The following PGM1 variants were observed in gnomAD, a reference collection of about 807,000 sequenced individuals.
PGM1 encodes phosphoglucomutase-1.
Under a neutral mutation model 55.6 loss-of-function variants are expected in PGM1, and 52 were observed. The ratio of observed to expected loss-of-function variants is 0.94; its 90% CI spans 0.75 to 1.18. PGM1 has a LOEUF of 1.18. PGM1 is among the 50% of genes most tolerant of loss of function. PGM1 has a pLI of 0.00. For synonymous variants in PGM1, 287 were observed against 271.7 expected (o/e 1.06, Z -0.55); for missense variants, 724 against 729.3 (o/e 0.99, Z 0.08).
At chr1:63,642,199 C>G (rs1281645494) in intron 7 of PGM1, among the ~76,000 whole-genome samples, 1 of 152,208 alleles carries the variant, frequency 6.6e-6, no homozygotes, top group Non-Finnish European at 1.5e-5. Context: ...CAGGACTGGT[C>G]CACCGAGTAA....
intron 1 of PGM1, among the ~76,000 whole-genome samples, chr1:63,624,103 G>T (rs147433829): frequency 6.6e-6 from 1 of 152,164 alleles, no homozygotes; most frequent in African/African-American, 2.4e-5. Context: ...CCTGTCCTGT[G>T]TAAGAGGGCT....
At chr1:63,656,698 G>A (rs967072494) in intron 10 of PGM1, among the ~76,000 whole-genome samples, 1 of 151,940 alleles carries the variant, frequency 6.6e-6, no homozygotes, top group Admixed American at 6.6e-5. Context: ...TGAACCTGGA[G>A]GACATTATGC....
At chr1:63,605,571 T>C (rs1570473713) in intron 1 of PGM1, among the ~76,000 whole-genome samples, 1 of 151,980 alleles carries the variant, frequency 6.6e-6, no homozygotes, top group African/African-American at 2.4e-5. Flanking sequence ...TTTTATTTAT[T>C]ATTATTTATT....
At chr1:63,624,917 T>C (rs1299495732) in intron 1 of PGM1, among the ~76,000 whole-genome samples, 1 of 152,226 alleles carries the variant, frequency 6.6e-6, no homozygotes, top group Non-Finnish European at 1.5e-5. Context: ...ATGCCTCTCA[T>C]GTAAAAGTTG....
rs182178773 is a variant in PGM1 at position 63,645,915 on chromosome 1, C to G, written c.1145-2602C>G. Among the ~76,000 whole-genome samples the G allele has an allele frequency of 2.8e-4, 42 of 152,118 alleles. 1 individual carries two copies. In the East Asian group the frequency reaches 7.2e-3, roughly 26 times the overall value. The stretch of plus-strand genomic sequence containing the variant: ...AATTACAAGGATAAATAAGAGATGC[C>G]CGTAAGAAGCACACAGTTAGTGGGG... On this transcript the variant is annotated intron_variant, in intron 7 of 10. Transcript: ENST00000371084.
chr1:63,629,669 T>C, intron 2 of PGM1, 82 bp downstream of exon 2: 1 of 1,403,700 alleles, frequency 7.1e-7, no homozygotes, highest in South Asian at 1.2e-5. Context: ...GAGACCAGGG[T>C]TTTGGTTCTG....
At chr1:63,606,623 C>T (rs72681107) in intron 1 of PGM1, among the ~76,000 whole-genome samples, 2,764 of 152,298 alleles carry the variant, frequency 0.018, 44 homozygotes, top group Middle Eastern at 0.041. Context: ...TTAATCAAAA[C>T]TTAGCTAAGC....
Position 63,647,926 on chromosome 1 carries a change from A to AT in PGM1, c.1145-586dup, listed in dbSNP as rs1293076735. Among the ~76,000 whole-genome samples, 6 of 152,322 alleles carry AT rather than the reference A, an allele frequency of 3.9e-5. No individual in the cohort carries two copies. The East Asian group carries it at 1.2e-3, about 29-fold the overall frequency. ...AATTCCACCTAATTATCTCACTGAC[A>AT]TTTTTATTGACTTATGCCTTACATT... On this transcript the variant is annotated intron_variant, in intron 7 of 10. Coordinates refer to ENST00000371084, the MANE Select transcript of PGM1 (RefSeq NM_002633.3).
intron 6 of PGM1, among the ~76,000 whole-genome samples, chr1:63,637,429 T>C (rs1649393003): frequency 6.6e-6 from 1 of 152,208 alleles, no homozygotes; most frequent in Admixed American, 6.5e-5. Flanking sequence ...AGAGGGGAGA[T>C]GGTTATAGAA....
At chr1:63,597,891 GT>G (rs575708289) in intron 1 of PGM1, among the ~76,000 whole-genome samples, 283 of 152,274 alleles carry the variant, frequency 1.9e-3, no homozygotes, top group Non-Finnish European at 3.3e-3. Flanking sequence ...TGTTGTTGTT[GT>G]TGTCAAGTTA....
intron 1 of PGM1, among the ~76,000 whole-genome samples, chr1:63,595,488 A>G (rs541974947): frequency 6.6e-6 from 1 of 152,316 alleles, no homozygotes; most frequent in African/African-American, 2.4e-5. Flanking sequence ...TGGGCCAAAC[A>G]TTTATAAGCA....
intron 9 of PGM1, 81 bp downstream of exon 9, chr1:63,651,933 C>A (rs1439381115): frequency 2.3e-6 from 3 of 1,326,292 alleles, no homozygotes; most frequent in Non-Finnish European, 3.2e-6. Context: ...TTAAAAAGTT[C>A]CTGTTGGCTA....
At chr1:63,643,115 A>G (rs1649560238) in intron 7 of PGM1, among the ~76,000 whole-genome samples, 1 of 152,200 alleles carries the variant, frequency 6.6e-6, no homozygotes, top group Admixed American at 6.5e-5. Context: ...ATAGCTACTG[A>G]GTACATTTCC....
rs1033122643 is a variant in PGM1, at chr1:63,656,833, G to A, written c.1599+2367G>A. On this transcript the variant is annotated intron_variant, in intron 10 of 10. Transcript: ENST00000371084. The stretch of plus-strand genomic sequence containing the variant: ...GGCTTACTAGGGGGTAGTGAATGGG[G>A]AAAATGGAGAGATATTGGTCCAAAG... Among the ~76,000 whole-genome samples the A allele has an allele frequency of 1.1e-4, 16 of 152,220 alleles. 1 individual carries two copies. Among genetic ancestry groups the A allele is most frequent in the African/African-American group, 3.4e-4 (14 of 41,556 alleles).
intron 8 of PGM1, 123 bp from the exon 9 acceptor site, chr1:63,651,541 TGCCAG>T: frequency 7.4e-6 from 6 of 809,598 alleles, no homozygotes; most frequent in Admixed American, 6.4e-5. Flanking sequence ...GTATTTTTTT[TGCCAG>T]CTTCTTCTGA....
intron 1 of PGM1, among the ~76,000 whole-genome samples, chr1:63,612,767 A>G (rs1218723194): frequency 6.6e-5 from 10 of 152,140 alleles, no homozygotes; most frequent in Non-Finnish European, 8.8e-5. Flanking sequence ...ACTTTGTGCT[A>G]TTGCAACTAC....
chr1:63,644,526 G>A (rs1028264808), intron 7 of PGM1, among the ~76,000 whole-genome samples: 1 of 152,114 alleles, frequency 6.6e-6, no homozygotes, highest in Non-Finnish European at 1.5e-5. Context: ...TCTCCAATAT[G>A]TACAATCAAG....
chr1:63,645,872 A>T (rs561949960), intron 7 of PGM1, among the ~76,000 whole-genome samples: 17 of 152,366 alleles, frequency 1.1e-4, no homozygotes, highest in African/African-American at 4.1e-4. Context: ...TCCTTGTGCT[A>T]TGCTAGTCAC....
chr1:63,596,319 C>T (rs1277000579), intron 1 of PGM1, among the ~76,000 whole-genome samples: 2 of 138,456 alleles, frequency 1.4e-5, no homozygotes, highest in Non-Finnish European at 1.5e-5. Flanking sequence ...AGTGCAGTGG[C>T]GCAATCAGCT....
Sources: allele counts gnomAD v4.1 joint callset (sites outside exome capture counted in the v4.1 genomes callset), GRCh38; gene constraint gnomAD v4.1.1; transcripts MANE v1.5; gene names NCBI Gene and HGNC (gene_info 2026-07-23, HGNC 2026-07-21).